Variants in PVT1 observed in about 807,000 individuals in gnomAD.
PVT1 encodes CXCR4/PVT1 fusion.
At chr8:127,819,797 A>G (rs186474931) in intron 2 of PVT1, among the ~76,000 whole-genome samples, 85 of 152,182 alleles carry the variant, frequency 5.6e-4, no homozygotes, top group Middle Eastern at 6.8e-3. Context: ...GGAATCCTAG[A>G]CTCTTAACAT....
chr8:127,799,139 G>T (rs1814433991), intron 2 of PVT1, among the ~76,000 whole-genome samples: 1 of 151,804 alleles, frequency 6.6e-6, no homozygotes, highest in Non-Finnish European at 1.5e-5. Context: ...AGGTGGGGGG[G>T]GAGGTATGGC....
At chr8:128,018,626 G>A (rs6983712) in intron 4 of PVT1, among the ~76,000 whole-genome samples, 2,275 of 152,338 alleles carry the variant, frequency 0.015, 55 homozygotes, top group African/African-American at 0.052. Context: ...AACAGGGGGT[G>A]TATTCTTGGG....
intron 3 of PVT1, among the ~76,000 whole-genome samples, chr8:127,960,918 G>A (rs1023173150): frequency 7.6e-5 from 9 of 119,090 alleles, no homozygotes; most frequent in African/African-American, 3.0e-4. Context: ...GAGATTTTTT[G>A]TTCTCTTGTG....
chr8:127,966,316 C>G (rs1417587111), intron 3 of PVT1, among the ~76,000 whole-genome samples: 2 of 152,136 alleles, frequency 1.3e-5, no homozygotes, highest in Non-Finnish European at 2.9e-5. Flanking sequence ...GATGAGGAAG[C>G]TAGAGGTGAC....
At chr8:128,029,450 G>A (rs1813362389) in intron 4 of PVT1, among the ~76,000 whole-genome samples, 1 of 152,070 alleles carries the variant, frequency 6.6e-6, no homozygotes, top group Admixed American at 6.6e-5. Context: ...AATTTCAAAA[G>A]TAGTACATGC....
At chr8:127,899,893 A>G (rs758581459) in intron 3 of PVT1, among the ~76,000 whole-genome samples, 9 of 152,300 alleles carry the variant, frequency 5.9e-5, no homozygotes, top group Non-Finnish European at 1.0e-4. Flanking sequence ...TATAGTGTGA[A>G]TATCTAGCTC....
chr8:127,829,095 G>A (rs2129694067), intron 2 of PVT1, among the ~76,000 whole-genome samples: 1 of 152,288 alleles, frequency 6.6e-6, no homozygotes, highest in Non-Finnish European at 1.5e-5. Flanking sequence ...GGCCAACATA[G>A]TGAAATGCTG....
rs1247475298 is a variant in PVT1, at chr8:127,817,537, A to G, written n.372+21466A>G. The stretch of plus-strand genomic sequence containing the variant: ...TAGATATATCTATTTAAATATATAT[A>G]TATATATATACACACACACACACAT... On this transcript the variant is annotated intron_variant and non_coding_transcript_variant, in intron 2 of 10. Coordinates refer to ENST00000651587, the Ensembl canonical transcript of PVT1. Among the ~76,000 whole-genome samples the G allele has an allele frequency of 3.2e-3, 168 of 51,854 alleles. 1 individual carries two copies. Among genetic ancestry groups the G allele is most frequent in the African/African-American group, 8.4e-3 (152 of 18,016 alleles). 34.0% of individuals were successfully genotyped at this position (51,854 alleles called of 152,430 possible). A position where few individuals can be genotyped will look rare whatever the true frequency, so the allele number is the denominator to read the frequency against.
At chr8:127,831,078 A>C (rs552356637) in intron 2 of PVT1, among the ~76,000 whole-genome samples, 1 of 148,326 alleles carries the variant, frequency 6.7e-6, no homozygotes, top group Non-Finnish European at 1.5e-5. Context: ...ATATATATAG[A>C]TAAAACTCCT....
chr8:128,007,030 C>T, intron 4 of PVT1, among the ~76,000 whole-genome samples: 1 of 152,176 alleles, frequency 6.6e-6, no homozygotes, highest in Admixed American at 6.5e-5. Flanking sequence ...AAATATCAGG[C>T]AAACACAAAT....
intron 2 of PVT1, among the ~76,000 whole-genome samples, chr8:127,835,928 A>G (rs1814904334): frequency 6.6e-6 from 1 of 152,146 alleles, no homozygotes; most frequent in Non-Finnish European, 1.5e-5. Flanking sequence ...GTAGCCCCAC[A>G]TCCTGGTCTT....
At chr8:127,928,851 G>A (rs1816164849) in intron 3 of PVT1, among the ~76,000 whole-genome samples, 1 of 152,170 alleles carries the variant, frequency 6.6e-6, no homozygotes, top group African/African-American at 2.4e-5. Context: ...TAAATAGATG[G>A]GCTCTGGGCC....
At chr8:127,808,556 G>T (rs1003606265) in intron 2 of PVT1, among the ~76,000 whole-genome samples, 2 of 152,128 alleles carry the variant, frequency 1.3e-5, no homozygotes, top group Non-Finnish European at 2.9e-5. Context: ...GTCTTTGGGG[G>T]TGGCTAAGCT....
intron 3 of PVT1, among the ~76,000 whole-genome samples, chr8:127,952,975 A>G (rs7836396): frequency 0.18 from 27,941 of 152,092 alleles, 3,013 homozygotes; most frequent in African/African-American, 0.3. Context: ...CATGTTGGCC[A>G]GGATGGTCTC....
intron 6 of PVT1, among the ~76,000 whole-genome samples, chr8:128,098,538 G>A (rs1819189534): frequency 6.6e-6 from 1 of 152,192 alleles, no homozygotes; most frequent in African/African-American, 2.4e-5. Context: ...TAGAGTGGAG[G>A]TAGAGAGGCC....
chr8:127,949,261 A>T (rs564064183), intron 3 of PVT1, among the ~76,000 whole-genome samples: 1 of 152,162 alleles, frequency 6.6e-6, no homozygotes, highest in African/African-American at 2.4e-5. Context: ...CAATAAGACT[A>T]TGTAGGTGAA....
chr8:128,012,609 G>A (rs1419114297), intron 4 of PVT1, among the ~76,000 whole-genome samples: 1 of 152,166 alleles, frequency 6.6e-6, no homozygotes, highest in Non-Finnish European at 1.5e-5. Context: ...AGAGTTGATG[G>A]AGACCCTGTT....
At chr8:127,963,937 T>C (rs1026173446) in intron 3 of PVT1, among the ~76,000 whole-genome samples, 5 of 152,246 alleles carry the variant, frequency 3.3e-5, no homozygotes, top group African/African-American at 1.2e-4. Context: ...TTTTCAGTTC[T>C]AGGATCGTTT....
intron 1 of PVT1, among the ~76,000 whole-genome samples, chr8:127,795,156 G>C (rs1814379073): frequency 6.6e-6 from 1 of 152,092 alleles, no homozygotes; most frequent in South Asian, 2.1e-4. Context: ...CTCAGGGCTG[G>C]GCGAAGGTGA....
Sources: allele counts gnomAD v4.1 joint callset (sites outside exome capture counted in the v4.1 genomes callset), GRCh38; gene constraint gnomAD v4.1.1; transcripts MANE v1.5; gene names NCBI Gene and HGNC (gene_info 2026-07-23, HGNC 2026-07-21).